GEMIN8: variants seen among roughly 807,000 people sequenced by gnomAD.
The protein encoded by GEMIN8 is gem nuclear organelle associated protein 8.
For synonymous variants in GEMIN8, 80 were observed against 78.5 expected, an observed-to-expected ratio of 1.02 and a Z score of -0.10; for missense variants, 185 against 205.9, an observed-to-expected ratio of 0.90 and a Z score of 0.62.
the GEMIN8 span, among the ~76,000 whole-genome samples, chrX:13,997,568 C>T: frequency 7.2e-5 from 8 of 111,667 alleles, no homozygotes; most frequent in Non-Finnish European, 1.3e-4. Context: ...GTAACAAAAG[C>T]TAACTTACAC....
chrX:13,988,367 C>T, the GEMIN8 span, among the ~76,000 whole-genome samples: 28,116 of 109,617 alleles, frequency 0.26, 2,777 homozygotes, highest in Non-Finnish European at 0.3. Flanking sequence ...CATATGAGTT[C>T]TATCTGTCTC....
rs575651297 is a variant in GEMIN8 at position 14,011,516 on chromosome X, C to CTTTTTTTTT, written c.473-2356_473-2348dup. Among the ~76,000 whole-genome samples, 133 of 60,367 alleles carry CTTTTTTTTT rather than the reference C, an allele frequency of 2.2e-3. 13 individuals carry two copies. Among genetic ancestry groups the CTTTTTTTTT allele is most frequent in the African/African-American group, 8.7e-3 (125 of 14,402 alleles). The allele number at this position is 60,367 out of a possible 115,157, so 52.4% of individuals were successfully genotyped here. On this transcript the variant is annotated intron_variant, in intron 4 of 4. Transcript: ENST00000680255. ...TACCCATTACCAATCCTATGGCTCT[C>CTTTTTTTTT]TTTTTTTTTTTTTTTTTTTTTTTTT...
chrX:13,984,760 G>A, the GEMIN8 span, among the ~76,000 whole-genome samples: 1 of 111,573 alleles, frequency 9.0e-6, no homozygotes, highest in African/African-American at 3.3e-5. Context: ...GCCAAGGAAG[G>A]GTGCATTATT....
At chrX:14,022,992 G>A (rs1415305499) in intron 2 of GEMIN8, among the ~76,000 whole-genome samples, 1 of 112,350 alleles carries the variant, frequency 8.9e-6, no homozygotes, top group Non-Finnish European at 1.9e-5. Context: ...CTTTCAAATA[G>A]GGTATTTCTA....
Position 14,029,807 on chromosome X carries a change from C to T in GEMIN8, c.-146G>A, listed in dbSNP as rs2285631. ...GGGCGCGCAGCTTGCGGATCCTGGG[C>T]GTTGGCCGCGCAGGGGCCTAGTTTT... On this transcript the variant is annotated 5_prime_UTR_variant, in exon 1 of 5. Transcript: ENST00000680255. The T allele has an allele frequency of 4.4e-5, 5 of 113,269 alleles. No homozygotes were observed. The East Asian group carries it at 1.4e-3, about 32-fold the overall frequency. 9.3% of individuals were successfully genotyped at this position (113,269 alleles called of 1,213,427 possible).
intron 1 of GEMIN8, among the ~76,000 whole-genome samples, chrX:14,028,699 A>AT (rs1383324602): frequency 8.9e-6 from 1 of 111,984 alleles, no homozygotes; most frequent in African/African-American, 3.2e-5. Flanking sequence ...TTTAGTTTGT[A>AT]TACTTCCCCA....
chrX:14,004,327 ATT>A (rs1350711753), downstream of GEMIN8, among the ~76,000 whole-genome samples: 1 of 111,700 alleles, frequency 9.0e-6, no homozygotes, highest in Non-Finnish European at 1.9e-5. Flanking sequence ...TGGGCACTTA[ATT>A]TGTTTCCAAT....
At chrX:13,996,656 C>G in the GEMIN8 span, among the ~76,000 whole-genome samples, 1 of 111,694 alleles carries the variant, frequency 9.0e-6, no homozygotes, top group African/African-American at 3.3e-5. Flanking sequence ...GAATCTTAAT[C>G]CTATACTCTA....
chrX:14,021,814 GTATATATATATA>G (rs147147045), intron 2 of GEMIN8, among the ~76,000 whole-genome samples: 18 of 78,280 alleles, frequency 2.3e-4, no homozygotes, highest in African/African-American at 7.8e-4. Flanking sequence ...TAATGTGTGT[GTATATATATATA>G]TATATATATA....
chrX:14,005,281 G>A (rs1446978311), downstream of GEMIN8, among the ~76,000 whole-genome samples: 4 of 110,920 alleles, frequency 3.6e-5, no homozygotes, highest in Non-Finnish European at 7.6e-5. Context: ...GGAATTTTCA[G>A]GCCCACCCCC....
intron 4 of GEMIN8, chrX:14,014,234 A>G: frequency 1.3e-6 from 1 of 752,641 alleles, no homozygotes; most frequent in Non-Finnish European, 1.6e-6. Context: ...ATTTTGCCAA[A>G]ATGAATAATT....
chrX:13,986,062 A>AAAAC, the GEMIN8 span, among the ~76,000 whole-genome samples: 1 of 112,268 alleles, frequency 8.9e-6, no homozygotes, highest in South Asian at 3.7e-4. Context: ...ACTGTGCTAA[A>AAAAC]AAACAAACAA....
At chrX:13,990,895 G>A in the GEMIN8 span, among the ~76,000 whole-genome samples, 1 of 111,725 alleles carries the variant, frequency 9.0e-6, no homozygotes, top group Non-Finnish European at 1.9e-5. Flanking sequence ...ACCATGGCTA[G>A]CTAATTTATT....
At chrX:13,994,905 T>C in the GEMIN8 span, among the ~76,000 whole-genome samples, 1 of 112,244 alleles carries the variant, frequency 8.9e-6, no homozygotes. Context: ...GGTGTCTATA[T>C]GAAAGGGAGT....
At chrX:13,987,951 C>A in the GEMIN8 span, among the ~76,000 whole-genome samples, 6 of 111,743 alleles carry the variant, frequency 5.4e-5, no homozygotes, top group African/African-American at 2.0e-4. Flanking sequence ...TCCAAAGCAG[C>A]AAGAAATGGT....
the GEMIN8 span, among the ~76,000 whole-genome samples, chrX:13,996,154 T>C: frequency 8.9e-6 from 1 of 111,876 alleles, no homozygotes; most frequent in African/African-American, 3.2e-5. Context: ...TCATAGAACC[T>C]ACTATTTTTA....
chrX:14,022,893 A>G (rs1159114298), intron 2 of GEMIN8, among the ~76,000 whole-genome samples: 3 of 112,619 alleles, frequency 2.7e-5, no homozygotes, highest in Admixed American at 1.9e-4. Flanking sequence ...CTATGGTTAT[A>G]TTAAGAACTG....
the GEMIN8 span, among the ~76,000 whole-genome samples, chrX:13,992,181 T>C: frequency 8.9e-6 from 1 of 111,914 alleles, no homozygotes; most frequent in Non-Finnish European, 1.9e-5. Context: ...AAATGTCAAA[T>C]AATCCTTCAC....
rs778858984 is a variant in GEMIN8, at chrX:14,008,927, G to A, written c.715C>T (p.Pro239Ser). 3 of 1,209,119 alleles carry A rather than the reference G, an allele frequency of 2.5e-6. No homozygotes were observed. The highest frequency in any genetic ancestry group is 3.5e-5 in the African/African-American group (2 of 57,238). The change falls in exon 5 of 5, where the codon CCC becomes TCC. Residue 239 changes from proline (P) to serine (S), a missense_variant. Pro to Ser is a moderately conservative substitution (Grantham distance 74, BLOSUM62 -1). Coordinates refer to ENST00000680255, the MANE Select transcript of GEMIN8 (RefSeq NM_001042479.2). ...GTGCCCTGAGCTCAGAACTTCAGGG[G>A]GATGACCGGCCAGTACTTGGGCTGC... ...RKQPKYWPVI[P>S]LKF
Sources: allele counts gnomAD v4.1 joint callset (sites outside exome capture counted in the v4.1 genomes callset), GRCh38; gene constraint gnomAD v4.1.1; transcripts MANE v1.5; gene names NCBI Gene and HGNC (gene_info 2026-07-23, HGNC 2026-07-21).